The following ANKRD6 variants were observed in gnomAD, a reference collection of about 807,000 sequenced individuals.
The protein encoded by ANKRD6 is ankyrin repeat domain 6, also known as ankyrin repeat domain-containing protein 6.
In ANKRD6, 56 loss-of-function variants were observed where a neutral mutation model predicts 82.3. The observed-to-expected ratio is 0.68, with a 90% CI of 0.55 to 0.85. The LOEUF is 0.85. ANKRD6 is among the 40% of genes least tolerant of loss of function. The pLI, the probability that ANKRD6 is intolerant of heterozygous loss-of-function variation, is 0.00. For missense variants in ANKRD6, 852 were observed against 907.6 expected (o/e 0.94, Z 0.79); for synonymous variants, 347 against 352.1 (o/e 0.99, Z 0.16).
chr6:89,442,786 G>C (rs1046155352), intron 1 of ANKRD6, among the ~76,000 whole-genome samples: 4 of 152,168 alleles, frequency 2.6e-5, no homozygotes, highest in South Asian at 2.1e-4. Context: ...TACGATAAGG[G>C]GTTGTGGAGA....
chr6:89,493,983 T>C (rs1349641282), intron 1 of ANKRD6, among the ~76,000 whole-genome samples: 1 of 152,204 alleles, frequency 6.6e-6, no homozygotes, highest in African/African-American at 2.4e-5. Flanking sequence ...GGAGACTTTA[T>C]TCAGGATTAT....
chr6:89,437,999 G>A (rs1400385254), intron 1 of ANKRD6, among the ~76,000 whole-genome samples: 2 of 152,084 alleles, frequency 1.3e-5, no homozygotes, highest in African/African-American at 4.8e-5. Flanking sequence ...TCACCTTGTT[G>A]CCCAGGCTCA....
Position 89,567,034 on chromosome 6 carries a change from A to G in ANKRD6, c.58A>G (p.Lys20Glu). 6.2e-7 allele frequency: 1 copy of G among 1,607,748 alleles called. No homozygotes were observed. Among genetic ancestry groups the G allele is most frequent in the Non-Finnish European group, 8.5e-7 (1 of 1,177,052 alleles). The change falls in exon 2 of 16, where the codon AAA becomes GAA. Residue 20 changes from lysine (K) to glutamate (E), a missense_variant. Lys to Glu is a moderately conservative substitution (Grantham distance 56). Coordinates refer to ENST00000339746, the MANE Select transcript of ANKRD6 (RefSeq NM_001242809.2). ...LSERLLVAAY[K>E]GQTENVVQLI... ...AGAGCGCCTTCTCGTAGCTGCGTAC[A>G]AAGGCCAAACAGAGAATGTGGTTCA...
rs1807458396 is a variant in ANKRD6, at chr6:89,631,791, A to G, written c.*787A>G. On this transcript the variant is annotated 3_prime_UTR_variant, in exon 16 of 16. Coordinates refer to ENST00000339746, the MANE Select transcript of ANKRD6 (RefSeq NM_001242809.2). ...TCATGTAACAATTACCTGAAAATTT[A>G]TAACCTATTCCTAATCAAACCCAAT... 1 of 152,234 alleles carries G rather than the reference A, an allele frequency of 6.6e-6. No homozygotes were observed. The highest frequency in any genetic ancestry group is 6.5e-5 in the Admixed American group (1 of 15,290). 9.4% of individuals were successfully genotyped at this position (152,234 alleles called of 1,614,324 possible). A position where few individuals can be genotyped will look rare whatever the true frequency, so the allele number is the denominator to read the frequency against.
intron 1 of ANKRD6, among the ~76,000 whole-genome samples, chr6:89,479,588 TTTTA>T (rs1237760866): frequency 1.3e-5 from 2 of 149,716 alleles, no homozygotes; most frequent in African/African-American, 4.9e-5. Flanking sequence ...TTATTTCTTT[TTTTA>T]TTTTTTATTT....
At chr6:89,496,047 T>C (rs1778569453) in intron 1 of ANKRD6, among the ~76,000 whole-genome samples, 1 of 151,982 alleles carries the variant, frequency 6.6e-6, no homozygotes, top group African/African-American at 2.4e-5. Flanking sequence ...AGCTAACTGG[T>C]GGCCACCTTC....
chr6:89,577,612 G>A (rs9444699), intron 2 of ANKRD6, among the ~76,000 whole-genome samples: 79,000 of 151,992 alleles, frequency 0.52, 20,941 homozygotes, highest in South Asian at 0.72. Flanking sequence ...GAACTGTTAA[G>A]AAGCTGGTTA....
chr6:89,568,858 G>A (rs185807125), intron 2 of ANKRD6, among the ~76,000 whole-genome samples: 1 of 151,824 alleles, frequency 6.6e-6, no homozygotes, highest in East Asian at 1.9e-4. Flanking sequence ...CTGGCAACCT[G>A]AGAAGACTAA....
chr6:89,436,730 A>G (rs937695629), intron 1 of ANKRD6, among the ~76,000 whole-genome samples: 10 of 152,250 alleles, frequency 6.6e-5, no homozygotes, highest in African/African-American at 2.4e-4. Flanking sequence ...TTATTTCAAA[A>G]TAAAGTTTTT....
At chr6:89,569,048 G>A (rs1462580020) in intron 2 of ANKRD6, among the ~76,000 whole-genome samples, 3 of 151,578 alleles carry the variant, frequency 2.0e-5, no homozygotes, top group Non-Finnish European at 4.4e-5. Flanking sequence ...CATGTAGCTG[G>A]GACTACAGGC....
In ANKRD6 at chr6:89,629,331, G is replaced by A. The variant is rs575405990; in HGVS notation, c.1612+93G>A. On this transcript the variant is annotated intron_variant, in intron 15 of 15. Coordinates refer to ENST00000339746, the MANE Select transcript of ANKRD6 (RefSeq NM_001242809.2). ...ACTGAAAGGCAGTACGTATGCTAGG[G>A]CTGTGGGAAACACTGGATGGTAAAG... The A allele has an allele frequency of 4.5e-4, 708 of 1,556,502 alleles. 9 individuals carry two copies. The South Asian group carries it at 7.6e-3, about 17-fold the overall frequency.
intron 2 of ANKRD6, among the ~76,000 whole-genome samples, chr6:89,583,073 G>A (rs1416285843): frequency 1.3e-5 from 2 of 152,192 alleles, no homozygotes; most frequent in East Asian, 3.9e-4. Context: ...AGATGCTGTG[G>A]TTTAGTTGGT....
At chr6:89,593,016 G>A (rs1049163960) in intron 2 of ANKRD6, among the ~76,000 whole-genome samples, 1 of 152,216 alleles carries the variant, frequency 6.6e-6, no homozygotes, top group African/African-American at 2.4e-5. Context: ...AGAGGTTGCA[G>A]TGAGCCAAGA....
rs60101795 is a variant in ANKRD6, at chr6:89,538,902, CA to C, written c.-143-27923del. On this transcript the variant is annotated intron_variant, in intron 1 of 15. Transcript: ENST00000339746. Reference sequence around the variant, plus strand: ...TTTTTCAATGACAAGATCAAAAGGCCAAAAAAAAACTTGAAAGAACAGAGTT... The same window carrying C: ...TTTTTCAATGACAAGATCAAAAGGCCAAAAAAAACTTGAAAGAACAGAGTT... Among the ~76,000 whole-genome samples the C allele has an allele frequency of 5.3e-5, 8 of 149,664 alleles. No individual in the cohort carries two copies. The East Asian group carries it at 1.2e-3, about 22-fold the overall frequency.
intron 1 of ANKRD6, among the ~76,000 whole-genome samples, chr6:89,554,076 A>G (rs1001197025): frequency 2.6e-5 from 4 of 152,184 alleles, no homozygotes; most frequent in African/African-American, 9.7e-5. Context: ...GAGACAAGTA[A>G]TTGGTGAAGA....
chr6:89,603,502 ATC>A (rs890205051), intron 4 of ANKRD6, among the ~76,000 whole-genome samples: 4 of 151,928 alleles, frequency 2.6e-5, no homozygotes, highest in African/African-American at 7.2e-5. Flanking sequence ...TTTTTTAAAA[ATC>A]TTTTTCCTTG....
chr6:89,619,379 G>A (rs528737107), intron 9 of ANKRD6, among the ~76,000 whole-genome samples: 212 of 152,270 alleles, frequency 1.4e-3, no homozygotes, highest in Non-Finnish European at 2.4e-3. Flanking sequence ...TTAATGGACA[G>A]CCAGCCCCAC....
chr6:89,626,760 C>T (rs1046588677), intron 13 of ANKRD6, among the ~76,000 whole-genome samples: 1 of 152,178 alleles, frequency 6.6e-6, no homozygotes, highest in Non-Finnish European at 1.5e-5. Context: ...AGGGGTCCCA[C>T]AGGAAATGCC....
At chr6:89,515,776 A>C (rs1179063516) in intron 1 of ANKRD6, among the ~76,000 whole-genome samples, 1 of 152,216 alleles carries the variant, frequency 6.6e-6, no homozygotes, top group Non-Finnish European at 1.5e-5. Flanking sequence ...CCTCTCCTGG[A>C]TTACTAGGGT....
Sources: allele counts gnomAD v4.1 joint callset (sites outside exome capture counted in the v4.1 genomes callset), GRCh38; gene constraint gnomAD v4.1.1; transcripts MANE v1.5; gene names NCBI Gene and HGNC (gene_info 2026-07-23, HGNC 2026-07-21).